Variants in SHROOM2 observed in about 807,000 individuals in gnomAD.
SHROOM2 encodes the protein shroom family member 2.
SHROOM2 carries 33 observed loss-of-function variants against 75.9 expected under a neutral mutation model. The ratio of observed to expected loss-of-function variants is 0.43; its 90% confidence interval spans 0.33 to 0.58. The LOEUF (loss-of-function observed/expected upper bound fraction) is 0.58, where lower values mean the gene tolerates loss of function less well. SHROOM2 is among the 20% of genes least tolerant of loss of function. The pLI is 0.04. For synonymous variants in SHROOM2, 655 were observed against 663.6 expected (o/e 0.99, Z 0.20); for missense variants, 1,434 against 1,461.2 (o/e 0.98, Z 0.30).
At chrX:9,878,604 G>T (rs1343827636) in intron 2 of SHROOM2, among the ~76,000 whole-genome samples, 2 of 112,154 alleles carry the variant, frequency 1.8e-5, no homozygotes, top group East Asian at 5.6e-4. Flanking sequence ...TGGCTCCTTG[G>T]AGCTGTCCTG....
chrX:9,863,468 G>A (rs187955432), intron 1 of SHROOM2, among the ~76,000 whole-genome samples: 1 of 111,240 alleles, frequency 9.0e-6, no homozygotes, highest in East Asian at 2.8e-4. Flanking sequence ...TTGCCATGGT[G>A]CCTCGTGTGG....
chrX:9,929,071 G>A (rs865818505), intron 5 of SHROOM2, among the ~76,000 whole-genome samples: 45 of 112,680 alleles, frequency 4.0e-4, no homozygotes, highest in African/African-American at 1.4e-3. Flanking sequence ...CTGTGCGCAA[G>A]CACAACATGG....
intron 5 of SHROOM2, among the ~76,000 whole-genome samples, chrX:9,899,883 G>A (rs914579671): frequency 3.6e-5 from 4 of 112,341 alleles, no homozygotes; most frequent in African/African-American, 9.7e-5. Context: ...GGCAGTGCTC[G>A]ATGGGCTCTG....
intron 5 of SHROOM2, 24 bp downstream of exon 5, chrX:9,898,314 T>C: frequency 9.1e-7 from 1 of 1,097,077 alleles, no homozygotes; most frequent in Non-Finnish European, 1.2e-6. Context: ...GGATTCAGAG[T>C]TACTGAAGAG....
At chrX:9,843,798 G>C (rs907095266) in intron 1 of SHROOM2, among the ~76,000 whole-genome samples, 4 of 112,622 alleles carry the variant, frequency 3.6e-5, no homozygotes, top group African/African-American at 1.3e-4. Context: ...TTTTTGAGGA[G>C]TACTGGTCAG....
rs931581880 is a variant in SHROOM2 at position 9,937,107 on chromosome X, G to A, written c.3588-27G>A. 1.4e-5 allele frequency: 16 copies of A among 1,157,934 alleles called. No individual in the cohort carries two copies. In the African/African-American group the frequency reaches 1.4e-4, roughly 10 times the overall value. Reference sequence around the variant, plus strand: ...GGTCTGTGGCTGGAGCATGCTTTGCGATTTCAGCAGACTGTTCATCTTCCA... The same window carrying A: ...GGTCTGTGGCTGGAGCATGCTTTGCAATTTCAGCAGACTGTTCATCTTCCA... On this transcript the variant is annotated intron_variant, in intron 6 of 9. Coordinates refer to ENST00000380913, the MANE Select transcript of SHROOM2 (RefSeq NM_001649.4).
At position 9,939,199 on chromosome X, in the gene SHROOM2, G is replaced by A. The variant is rs1471661833; in HGVS notation, c.4144G>A (p.Glu1382Lys). The change falls in exon 8 of 10, where the codon GAG becomes AAG. Residue 1382 changes from glutamate (E) to lysine (K), a missense_variant. Transcript: ENST00000380913. ...PSPRSTEERK[E>K]EPSVPAAVSL... is the part of the protein sequence containing the mutation. ...AGTTCCCACACCTTTACCCAGGAAAGAGGAGCCCAGCGTGCCTGCGGCCGT... is the reference window on the plus strand; with the variant it reads ...AGTTCCCACACCTTTACCCAGGAAAAAGGAGCCCAGCGTGCCTGCGGCCGT... The A allele has an allele frequency of 2.5e-6, 3 of 1,202,642 alleles. No homozygotes were observed. The highest frequency in any genetic ancestry group is 3.4e-6 in the Non-Finnish European group (3 of 891,134).
chrX:9,877,748 G>A (rs2084208854), intron 2 of SHROOM2, among the ~76,000 whole-genome samples: 1 of 111,392 alleles, frequency 9.0e-6, no homozygotes, highest in Admixed American at 9.5e-5. Flanking sequence ...GCCAGAAACC[G>A]GGTGACCCTT....
chrX:9,815,337 A>G (rs1278997753), intron 1 of SHROOM2, among the ~76,000 whole-genome samples: 1 of 109,806 alleles, frequency 9.1e-6, no homozygotes, highest in Non-Finnish European at 1.9e-5. Context: ...AAAGAACTTC[A>G]TCCTTAATAT....
chrX:9,888,343 G>A (rs751369032), intron 2 of SHROOM2, among the ~76,000 whole-genome samples: 159 of 112,399 alleles, frequency 1.4e-3, no homozygotes, highest in African/African-American at 4.9e-3. Flanking sequence ...GACAGCTGGG[G>A]CTGCCTGGTG....
intron 7 of SHROOM2, among the ~76,000 whole-genome samples, chrX:9,938,129 C>A (rs1343964061): frequency 1.8e-5 from 2 of 111,483 alleles, no homozygotes; most frequent in African/African-American, 6.5e-5. Context: ...CACAGAGAGT[C>A]ATCCAGCCCC....
chrX:9,908,798 T>G, intron 5 of SHROOM2, among the ~76,000 whole-genome samples: 1 of 108,903 alleles, frequency 9.2e-6, no homozygotes, highest in Admixed American at 1.0e-4. Flanking sequence ...CAAAAAAAAT[T>G]TAGCTGGGCA....
At chrX:9,941,259 A>C (rs2084766017) in intron 8 of SHROOM2, among the ~76,000 whole-genome samples, 1 of 112,007 alleles carries the variant, frequency 8.9e-6, no homozygotes, top group African/African-American at 3.2e-5. Flanking sequence ...TGGAGGGATG[A>C]GAGTGGCTGT....
chrX:9,786,708 A>C lies in SHROOM2; in HGVS notation c.163A>C (p.Lys55Gln). Reference protein sequence around the residue: ...REHGEPLVITKIEEGSKAAAV... With the variant: ...REHGEPLVITQIEEGSKAAAV... Reference sequence around the variant, plus strand: ...GCACGGCGAGCCGCTGGTCATCACCAAGGTAAGGCGGCCGCGGGGCGCGGG... The same window carrying C: ...GCACGGCGAGCCGCTGGTCATCACCCAGGTAAGGCGGCCGCGGGGCGCGGG... The change falls in exon 1 of 10, where the codon AAG (lysine) becomes CAG (glutamine). Residue 55 changes from lysine (K) to glutamine (Q), a missense_variant and splice_region_variant. Coordinates refer to ENST00000380913, the MANE Select transcript of SHROOM2 (RefSeq NM_001649.4). 2.3e-6 allele frequency: 2 copies of C among 884,995 alleles called. No homozygotes were observed. Among genetic ancestry groups the C allele is most frequent in the Non-Finnish European group, 2.8e-6 (2 of 722,137 alleles). The allele number at this position is 884,995 out of a possible 1,213,427, so 72.9% of individuals were successfully genotyped here. A position where few individuals can be genotyped will look rare whatever the true frequency, so the allele number is the denominator to read the frequency against.
At chrX:9,789,825 T>G (rs1859012) in intron 1 of SHROOM2, among the ~76,000 whole-genome samples, 13,320 of 111,662 alleles carry the variant, frequency 0.12, 743 homozygotes, top group Admixed American at 0.2. Flanking sequence ...CCAGAAGCCT[T>G]AGCCCGAAGC....
chrX:9,849,275 G>A lies in SHROOM2; in HGVS notation c.166-24377G>A, dbSNP rs1470333673. Among the ~76,000 whole-genome samples the A allele has an allele frequency of 3.6e-5, 4 of 111,946 alleles. No individual in the cohort carries two copies. The East Asian group carries it at 1.1e-3, about 32-fold the overall frequency. On this transcript the variant is annotated intron_variant, in intron 1 of 9. Coordinates refer to ENST00000380913, the MANE Select transcript of SHROOM2 (RefSeq NM_001649.4). ...GCGCCGGCTGGCAGGAGCAGTCCAT[G>A]TGGGAGCTTCTGTGTACTCCCACCT...
chrX:9,823,026 TCTCCTCCTCCTCCTCCTCCTC>T (rs1184264540), intron 1 of SHROOM2, among the ~76,000 whole-genome samples: 145 of 30,378 alleles, frequency 4.8e-3, no homozygotes, highest in African/African-American at 7.3e-3. Context: ...TCCTTCTCCT[TCTCCTCCTCCTCCTCCTCCTC>T]CTCCTCCTCC....
intron 1 of SHROOM2, among the ~76,000 whole-genome samples, chrX:9,796,536 C>T (rs2083695996): frequency 1.8e-5 from 2 of 112,186 alleles, no homozygotes; most frequent in African/African-American, 6.5e-5. Context: ...CTTTCCTCTC[C>T]TCTACCAAAA....
chrX:9,883,098 T>G (rs1413274427), intron 2 of SHROOM2, among the ~76,000 whole-genome samples: 1 of 112,167 alleles, frequency 8.9e-6, no homozygotes, highest in Non-Finnish European at 1.9e-5. Context: ...ATTCATGTGA[T>G]GTATGTGAGA....
Sources: gnomAD v4.1 joint callset for allele counts (sites outside exome capture counted in the v4.1 genomes callset) on GRCh38, gnomAD v4.1.1 for gene constraint, MANE v1.5 for transcripts, NCBI Gene and HGNC (gene_info 2026-07-23, HGNC 2026-07-21) for gene names.